The following R3HCC1 variants were observed in gnomAD, a reference collection of about 807,000 sequenced individuals.
The protein encoded by R3HCC1 is R3H domain and coiled-coil containing 1.
R3HCC1 carries 32 observed loss-of-function variants against 40.0 expected under a neutral mutation model. The ratio of observed to expected loss-of-function variants is 0.80; its 90% CI spans 0.60 to 1.07. The LOEUF (loss-of-function observed/expected upper bound fraction) is 1.07. Ranked by LOEUF, R3HCC1 falls within the 50% of genes least tolerant of loss-of-function variation. R3HCC1 has a pLI of 0.00. For missense variants in R3HCC1, 586 were observed against 563.3 expected, an observed-to-expected ratio of 1.04 and a Z score of -0.41; for synonymous variants, 237 against 232.8, an observed-to-expected ratio of 1.02 and a Z score of -0.17.
At chr8:23,294,992 G>A in intron 7 of R3HCC1, 128 bp downstream of exon 7, 1 of 737,372 alleles carries the variant, frequency 1.4e-6, no homozygotes, top group Non-Finnish European at 2.3e-6. Context: ...CTTCCCGCTT[G>A]ACTTCTCTGC....
chr8:23,295,939 G>A, intron 7 of R3HCC1, 28 bp from the exon 8 acceptor site: 2 of 1,537,452 alleles, frequency 1.3e-6, no homozygotes, highest in South Asian at 2.4e-5. Flanking sequence ...CTTGTGTTTA[G>A]GTCCCCACTG....
Position 23,290,256 on chromosome 8 carries a change from T to C in R3HCC1, c.639T>C (p.Pro213=), listed in dbSNP as rs1354344116. The stretch of plus-strand genomic sequence containing the variant: ...AGCCACTGCTGGACCCTGTTGGCCC[T>C]GAGCCTCTGGGGCCTGAGAGTCAGT... The change falls in exon 4 of 8, where the codon CCT becomes CCC. Residue 213 remains proline, a synonymous_variant. Coordinates refer to ENST00000265806, the MANE Select transcript of R3HCC1 (RefSeq NM_001136108.3). 1 of 1,551,700 alleles carries C rather than the reference T, an allele frequency of 6.4e-7. No individual in the cohort carries two copies. The highest frequency in any genetic ancestry group is 2.0e-5 in the Admixed American group (1 of 51,004).
Position 23,289,961 on chromosome 8 carries a change from C to G in R3HCC1, c.344C>G (p.Ala115Gly). Residue 115 changes from alanine (A) to glycine (G), a missense_variant, in exon 4 of 8, where the codon GCA becomes GGA. Ala to Gly is a moderately conservative substitution (Grantham distance 60). Coordinates refer to ENST00000265806, the MANE Select transcript of R3HCC1 (RefSeq NM_001136108.3). ...CCTCGGCCCATCTCCAACCAAGGAGCAGCTGCGGTTCCCCGAGGTGCCCGG... is the reference window on the plus strand; with the variant it reads ...CCTCGGCCCATCTCCAACCAAGGAGGAGCTGCGGTTCCCCGAGGTGCCCGG... 4.6e-6 allele frequency: 7 copies of G among 1,536,308 alleles called. No homozygotes were observed. The highest frequency in any genetic ancestry group is 6.1e-6 in the Non-Finnish European group (7 of 1,146,948).
intron 7 of R3HCC1, chr8:23,295,416 C>T: frequency 2.2e-6 from 1 of 455,698 alleles, no homozygotes. Flanking sequence ...TAGAAGGTAC[C>T]AGATAACCGT....
At position 23,288,745 on chromosome 8, in the gene R3HCC1, T is replaced by G. The variant is rs1249721186; in HGVS notation, c.110+112T>G. 12 of 1,329,434 alleles carry G rather than the reference T, an allele frequency of 9.0e-6. No homozygotes were observed. The Admixed American group carries it at 2.8e-4, about 30-fold the overall frequency. 82.4% of individuals were successfully genotyped at this position (1,329,434 alleles called of 1,614,324 possible). ...CTGGCAGCTGGCTCTGACCTTGGCC[T>G]TTAGTCTTTATAACGCCAGCTGCCT... On this transcript the variant is annotated intron_variant, in intron 2 of 7. Coordinates refer to ENST00000265806, the MANE Select transcript of R3HCC1 (RefSeq NM_001136108.3).
At chr8:23,288,904 AC>A (rs2117118443) in intron 2 of R3HCC1, 111 bp from the exon 3 acceptor site, 1 of 1,245,718 alleles carries the variant, frequency 8.0e-7, no homozygotes, top group East Asian at 2.5e-5. Flanking sequence ...TCCATCTGGG[AC>A]CCAGAGGGGC....
chr8:23,289,772 C>T, intron 3 of R3HCC1, 94 bp from the exon 4 acceptor site: 1 of 1,427,968 alleles, frequency 7.0e-7, no homozygotes. Flanking sequence ...TAATGCTGAC[C>T]CGAATGTCTC....
At chr8:23,288,771 CT>C in intron 2 of R3HCC1, 138 bp downstream of exon 2, 1 of 1,128,416 alleles carries the variant, frequency 8.9e-7, no homozygotes, top group African/African-American at 1.6e-5. Context: ...CCAGCTGCCT[CT>C]TTTAGCTGCA....
intron 2 of R3HCC1, 110 bp from the exon 3 acceptor site, chr8:23,288,906 C>T (rs1802797857): frequency 7.8e-7 from 1 of 1,277,780 alleles, no homozygotes; most frequent in East Asian, 2.5e-5. Context: ...CATCTGGGAC[C>T]CAGAGGGGCA....
rs79263624 is a variant in R3HCC1 at position 23,293,262 on chromosome 8, C to T, written c.1026-41C>T. ...CGGGATTCGAAGAGGAGTTTGACTGCTTGCTTTCCTGAATGTGCTGTCTCC... is the reference window on the plus strand; with the variant it reads ...CGGGATTCGAAGAGGAGTTTGACTGTTTGCTTTCCTGAATGTGCTGTCTCC... On this transcript the variant is annotated intron_variant, in intron 5 of 7. Transcript: ENST00000265806. The T allele has an allele frequency of 2.3e-5, 14 of 598,056 alleles. No individual in the cohort carries two copies. In the East Asian group the frequency reaches 1.2e-3, roughly 51 times the overall value. The allele number at this position is 598,056 out of a possible 1,614,324, so 37.0% of individuals were successfully genotyped here. A position where few individuals can be genotyped will look rare whatever the true frequency, so the allele number is the denominator to read the frequency against.
At chr8:23,288,275 G>C (rs1300172227) in intron 1 of R3HCC1, 118 bp downstream of exon 1, 1 of 1,131,524 alleles carries the variant, frequency 8.8e-7, no homozygotes, top group Admixed American at 3.2e-5. Flanking sequence ...CGCAGCGCAG[G>C]GTGTGGAGCC....
chr8:23,295,018 G>A (rs1489403993), intron 7 of R3HCC1, among the ~76,000 whole-genome samples, 154 bp downstream of exon 7: 1 of 152,060 alleles, frequency 6.6e-6, no homozygotes, highest in Non-Finnish European at 1.5e-5. Context: ...GGGAGCCCTG[G>A]GCTGCAGTAG....
chr8:23,293,976 A>G (rs377089402), intron 6 of R3HCC1, among the ~76,000 whole-genome samples: 1 of 152,134 alleles, frequency 6.6e-6, no homozygotes, highest in East Asian at 1.9e-4. Flanking sequence ...TACATTTGGT[A>G]TAATTTATAG....
intron 6 of R3HCC1, 103 bp from the exon 7 acceptor site, chr8:23,294,666 C>G: frequency 1.1e-6 from 1 of 876,196 alleles, no homozygotes; most frequent in East Asian, 2.7e-5. Flanking sequence ...CTGCCCTGAG[C>G]TTTGAATAGG....
chr8:23,291,487 C>A lies in R3HCC1; in HGVS notation c.979C>A (p.Pro327Thr). The A allele has an allele frequency of 6.4e-7, 1 of 1,551,550 alleles. No individual in the cohort carries two copies. Among genetic ancestry groups the A allele is most frequent in the Non-Finnish European group, 8.7e-7 (1 of 1,146,948 alleles). The change falls in exon 5 of 8, where the codon CCA becomes ACA. Residue 327 changes from proline (P) to threonine (T), a missense_variant. By Grantham distance (38) the Pro-to-Thr change is conservative. Transcript: ENST00000265806. The stretch of plus-strand genomic sequence containing the variant: ...CGTGGTAGAGATCTATGACTTTGAA[C>A]CAGCGCTCAAGACGGAGGACCTGCT...
chr8:23,291,269 C>G, intron 4 of R3HCC1, 92 bp from the exon 5 acceptor site: 2 of 1,454,354 alleles, frequency 1.4e-6, no homozygotes, highest in African/African-American at 2.8e-5. Flanking sequence ...CAGGTGGGCC[C>G]CTTCTCCCTG....
intron 5 of R3HCC1, among the ~76,000 whole-genome samples, chr8:23,293,001 T>G (rs546122929): frequency 6.6e-6 from 1 of 152,304 alleles, no homozygotes; most frequent in Admixed American, 6.5e-5. Flanking sequence ...ACAGGCCTGG[T>G]GAAGAGTCTC....
At chr8:23,289,782 C>G in intron 3 of R3HCC1, 84 bp from the exon 4 acceptor site, 1 of 1,434,280 alleles carries the variant, frequency 7.0e-7, no homozygotes, top group Non-Finnish European at 9.1e-7. Flanking sequence ...CCGAATGTCT[C>G]TCCTGAATGA....
Position 23,290,224 on chromosome 8 carries a change from G to A in R3HCC1, c.607G>A (p.Glu203Lys), listed in dbSNP as rs1802834708. The change falls in exon 4 of 8, where the codon GAG becomes AAG. Residue 203 changes from glutamate to lysine, a missense_variant. Transcript: ENST00000265806. ...CCTAAAGGGCCCAGGACAAAGGTGT[G>A]AGAATGAGCCACTGCTGGACCCTGT... is the stretch of plus-strand genomic sequence containing the variant. 6.4e-7 allele frequency: 1 copy of A among 1,551,658 alleles called. No individual in the cohort carries two copies. Among genetic ancestry groups the A allele is most frequent in the Non-Finnish European group, 8.7e-7 (1 of 1,147,014 alleles).
Sources: allele counts gnomAD v4.1 joint callset (sites outside exome capture counted in the v4.1 genomes callset), GRCh38; gene constraint gnomAD v4.1.1; transcripts MANE v1.5; gene names NCBI Gene and HGNC (gene_info 2026-07-23, HGNC 2026-07-21).